The following SREK1IP1 variants were observed in gnomAD, a reference collection of about 807,000 sequenced individuals.
SREK1IP1 encodes SREK1 interacting protein 1.
A neutral mutation model predicts 22.8 loss-of-function variants in SREK1IP1; 12 were observed. The ratio of observed to expected loss-of-function variants is 0.53; its 90% CI spans 0.34 to 0.85. The LOEUF (loss-of-function observed/expected upper bound fraction) is 0.85. Ranked by LOEUF, SREK1IP1 falls within the 40% of genes least tolerant of loss-of-function variation. The pLI is 0.02. For missense variants in SREK1IP1, 147 were observed against 171.8 expected, an observed-to-expected ratio of 0.86 and a Z score of 0.81; for synonymous variants, 53 against 52.7, an observed-to-expected ratio of 1.01 and a Z score of -0.02.
At chr5:64,764,561 G>A (rs151092552) in intron 1 of SREK1IP1, among the ~76,000 whole-genome samples, 1 of 152,300 alleles carries the variant, frequency 6.6e-6, no homozygotes, top group East Asian at 1.9e-4. Context: ...GCTTGGGAGT[G>A]TGCACTGCAT....
intron 2 of SREK1IP1, among the ~76,000 whole-genome samples, chr5:64,751,707 G>A (rs1742744115): frequency 6.6e-6 from 1 of 152,318 alleles, no homozygotes; most frequent in African/African-American, 2.4e-5. Context: ...TAGGGAGGCA[G>A]TACCACCTGT....
chr5:64,761,253 A>G (rs894872112), intron 1 of SREK1IP1, among the ~76,000 whole-genome samples: 1 of 152,216 alleles, frequency 6.6e-6, no homozygotes, highest in Non-Finnish European at 1.5e-5. Context: ...TAAAGTAGCC[A>G]TATAATTTTG....
At chr5:64,747,721 G>T (rs776339791) in intron 2 of SREK1IP1, among the ~76,000 whole-genome samples, 10 of 152,148 alleles carry the variant, frequency 6.6e-5, no homozygotes, top group Middle Eastern at 3.4e-3. Flanking sequence ...GAGGTCAGGA[G>T]ATTGAGACCA....
chr5:64,756,818 G>T (rs908185303), intron 1 of SREK1IP1, among the ~76,000 whole-genome samples: 1 of 151,892 alleles, frequency 6.6e-6, no homozygotes, highest in African/African-American at 2.4e-5. Context: ...AGTAGAGATG[G>T]GGTTTCACCA....
chr5:64,751,601 T>C (rs1742741206), intron 2 of SREK1IP1, among the ~76,000 whole-genome samples: 1 of 152,234 alleles, frequency 6.6e-6, no homozygotes, highest in South Asian at 2.1e-4. Context: ...CCTACCATTG[T>C]AGGACGTTTA....
intron 4 of SREK1IP1, among the ~76,000 whole-genome samples, chr5:64,724,779 A>G (rs138777827): frequency 1.3e-5 from 2 of 152,296 alleles, no homozygotes; most frequent in African/African-American, 2.4e-5. Context: ...CAAAACTAGT[A>G]TCTATTCCAC....
At chr5:64,729,224 T>C in intron 3 of SREK1IP1, among the ~76,000 whole-genome samples, 1 of 152,240 alleles carries the variant, frequency 6.6e-6, no homozygotes, top group Non-Finnish European at 1.5e-5. Context: ...AGTACTGTGC[T>C]ATGTACTGGG....
chr5:64,757,667 C>T (rs1257167079), intron 1 of SREK1IP1, among the ~76,000 whole-genome samples: 1 of 152,078 alleles, frequency 6.6e-6, no homozygotes, highest in Non-Finnish European at 1.5e-5. Context: ...TCTGGTGTTA[C>T]AACTTTTCAT....
chr5:64,739,829 T>C (rs1742523937), intron 3 of SREK1IP1, among the ~76,000 whole-genome samples: 2 of 152,082 alleles, frequency 1.3e-5, no homozygotes, highest in South Asian at 4.1e-4. Flanking sequence ...CTTTTTCCTT[T>C]TCAGCTTGTT....
chr5:64,762,263 C>T (rs749480401), intron 1 of SREK1IP1, among the ~76,000 whole-genome samples: 4 of 152,198 alleles, frequency 2.6e-5, no homozygotes, highest in Admixed American at 2.6e-4. Flanking sequence ...TTTTTTAGTA[C>T]TAAGTAATTA....
intron 3 of SREK1IP1, 60 bp downstream of exon 3, chr5:64,740,997 G>T: frequency 6.9e-7 from 1 of 1,445,404 alleles, no homozygotes; most frequent in Non-Finnish European, 9.6e-7. Context: ...TGGAAAGCAT[G>T]ATATAATATG....
At position 64,724,577 on chromosome 5, in the gene SREK1IP1, T is replaced by C; in HGVS notation, c.279-4A>G. 3 of 1,549,872 alleles carry C rather than the reference T, an allele frequency of 1.9e-6. No individual in the cohort carries two copies. Among genetic ancestry groups the C allele is most frequent in the Non-Finnish European group, 2.6e-6 (3 of 1,157,196 alleles). On this transcript the variant is annotated splice_region_variant and splice_polypyrimidine_tract_variant and intron_variant, in intron 4 of 4. Transcript: ENST00000513458. ...AGTGGAACTGGATGAGTAAGACCTA[T>C]GGATAATAATACATACTGACTGAGA...
intron 3 of SREK1IP1, among the ~76,000 whole-genome samples, chr5:64,739,426 G>A (rs76128482): frequency 2.6e-5 from 4 of 152,178 alleles, no homozygotes; most frequent in East Asian, 1.9e-4. Context: ...GGTCTAACTC[G>A]TGGAGACTTC....
chr5:64,739,215 C>T (rs1408569116), intron 3 of SREK1IP1, among the ~76,000 whole-genome samples: 1 of 152,038 alleles, frequency 6.6e-6, no homozygotes, highest in Non-Finnish European at 1.5e-5. Flanking sequence ...GAAGTATTTC[C>T]TAGACTAATT....
intron 2 of SREK1IP1, among the ~76,000 whole-genome samples, chr5:64,749,229 C>T (rs1380515584): frequency 1.3e-5 from 2 of 151,878 alleles, no homozygotes; most frequent in Admixed American, 1.3e-4. Flanking sequence ...TCTGGGCTTA[C>T]AGAATATATA....
intron 1 of SREK1IP1, among the ~76,000 whole-genome samples, chr5:64,763,280 T>C (rs1020970482): frequency 1.4e-4 from 21 of 152,166 alleles, no homozygotes; most frequent in Non-Finnish European, 2.9e-4. Context: ...GGCTCATGCC[T>C]GTAATCCCAG....
chr5:64,737,851 A>C (rs1742492023), intron 3 of SREK1IP1, among the ~76,000 whole-genome samples: 1 of 152,212 alleles, frequency 6.6e-6, no homozygotes, highest in South Asian at 2.1e-4. Context: ...ACACTCCTTG[A>C]AACATAAAAT....
At chr5:64,756,434 G>C (rs979039067) in intron 1 of SREK1IP1, among the ~76,000 whole-genome samples, 1 of 152,028 alleles carries the variant, frequency 6.6e-6, no homozygotes, top group Non-Finnish European at 1.5e-5. Context: ...TTTGGGCCTG[G>C]ATTATTTTAC....
chr5:64,768,312 G>A (rs1319656845), intron 1 of SREK1IP1, among the ~76,000 whole-genome samples, 193 bp downstream of exon 1: 1 of 152,210 alleles, frequency 6.6e-6, no homozygotes, highest in Admixed American at 6.5e-5. Context: ...CTGGGGGGAA[G>A]ATAGTTATTT....
Sources: gnomAD v4.1 joint callset for allele counts (sites outside exome capture counted in the v4.1 genomes callset) on GRCh38, gnomAD v4.1.1 for gene constraint, MANE v1.5 for transcripts, NCBI Gene and HGNC (gene_info 2026-07-23, HGNC 2026-07-21) for gene names.